The following SPAG16 variants were observed in gnomAD, a reference collection of about 807,000 sequenced individuals.
SPAG16 encodes sperm associated antigen 16, also known as sperm-associated antigen 16 protein.
In SPAG16, 86 loss-of-function variants were observed where a neutral mutation model predicts 80.4. The ratio of observed to expected loss-of-function variants is 1.07; its 90% CI spans 0.90 to 1.28. The LOEUF (loss-of-function observed/expected upper bound fraction) is 1.28. SPAG16 is among the 50% of genes most tolerant of loss of function. The pLI is 0.00. For missense variants in SPAG16, 870 were observed against 765.3 expected (o/e 1.14, Z -1.61); for synonymous variants, 294 against 265.9 (o/e 1.11, Z -1.03).
At chr2:214,242,173 A>C (rs1689542324) in intron 15 of SPAG16, among the ~76,000 whole-genome samples, 1 of 152,112 alleles carries the variant, frequency 6.6e-6, no homozygotes, top group Admixed American at 6.5e-5. Flanking sequence ...CTTTCTTCTG[A>C]GGGACTTTAC....
At chr2:213,760,297 G>C (rs892662112) in intron 10 of SPAG16, among the ~76,000 whole-genome samples, 1 of 151,992 alleles carries the variant, frequency 6.6e-6, no homozygotes, top group Admixed American at 6.6e-5. Flanking sequence ...AGACAAAATA[G>C]ACTTTAATCA....
intron 14 of SPAG16, among the ~76,000 whole-genome samples, chr2:214,123,688 A>G (rs1052622035): frequency 6.6e-6 from 1 of 152,048 alleles, no homozygotes; most frequent in Non-Finnish European, 1.5e-5. Context: ...GAAAACAGCA[A>G]TAAGGTGAGA....
chr2:214,147,586 A>G (rs939402315), intron 14 of SPAG16, among the ~76,000 whole-genome samples: 5 of 152,174 alleles, frequency 3.3e-5, no homozygotes, highest in African/African-American at 1.2e-4. Context: ...TCTAATTTCT[A>G]ACATTAATAT....
intron 11 of SPAG16, among the ~76,000 whole-genome samples, chr2:213,903,026 T>C (rs527346280): frequency 6.6e-6 from 1 of 152,314 alleles, no homozygotes; most frequent in South Asian, 2.1e-4. Flanking sequence ...AGAGGTGGGT[T>C]CCCATGGTCT....
chr2:213,585,473 C>T (rs2060437780), intron 10 of SPAG16, among the ~76,000 whole-genome samples: 1 of 151,888 alleles, frequency 6.6e-6, no homozygotes, highest in South Asian at 2.1e-4. Context: ...GATGGGGTTT[C>T]ACCATGTTGA....
chr2:213,625,639 TAA>T (rs1027186381), intron 10 of SPAG16, among the ~76,000 whole-genome samples: 1 of 152,160 alleles, frequency 6.6e-6, no homozygotes, highest in Non-Finnish European at 1.5e-5. Context: ...AATATTTGAC[TAA>T]AAGTCTTTTT....
chr2:214,252,842 C>T (rs1312922498), intron 15 of SPAG16, among the ~76,000 whole-genome samples: 1 of 152,104 alleles, frequency 6.6e-6, no homozygotes, highest in African/African-American at 2.4e-5. Context: ...AATGGTATTT[C>T]TAAGTTCTAG....
chr2:214,142,921 A>G (rs1341635497), intron 14 of SPAG16, among the ~76,000 whole-genome samples: 4 of 151,912 alleles, frequency 2.6e-5, no homozygotes, highest in Admixed American at 2.6e-4. Flanking sequence ...CTGCTTCCAA[A>G]CCCAAAACCC....
At chr2:213,979,175 C>T (rs543171444) in intron 12 of SPAG16, among the ~76,000 whole-genome samples, 6 of 151,870 alleles carry the variant, frequency 4.0e-5, no homozygotes, top group Admixed American at 2.6e-4. Flanking sequence ...GGTGGGGACT[C>T]CTAGGAGTCT....
At chr2:214,019,073 T>TATATAACC in intron 13 of SPAG16, among the ~76,000 whole-genome samples, 1 of 151,942 alleles carries the variant, frequency 6.6e-6, no homozygotes, top group African/African-American at 2.4e-5. Context: ...TCTTCAAAGT[T>TATATAACC]GAAGACTATT....
chr2:213,350,659 C>T lies in SPAG16; in HGVS notation c.762+14C>T. 2 of 1,384,678 alleles carry T rather than the reference C, an allele frequency of 1.4e-6. No homozygotes were observed. The highest frequency in any genetic ancestry group is 2.3e-5 in the Admixed American group (1 of 42,890). 85.8% of individuals were successfully genotyped at this position (1,384,678 alleles called of 1,614,324 possible). A position where few individuals can be genotyped will look rare whatever the true frequency, so the allele number is the denominator to read the frequency against. ...GTAGTTGGGCAGGTAAAGATATAGT[C>T]AAAGCTAACTTAAAATGATCTTTTA... On this transcript the variant is annotated intron_variant, in intron 7 of 15. Transcript: ENST00000331683.
intron 9 of SPAG16, among the ~76,000 whole-genome samples, chr2:213,483,580 C>G (rs1038971867): frequency 2.6e-5 from 4 of 152,106 alleles, no homozygotes; most frequent in African/African-American, 9.7e-5. Context: ...ACCTAGAAAG[C>G]TCACTGAAAA....
chr2:213,361,789 C>CCACGCA (rs1294215365), intron 7 of SPAG16, among the ~76,000 whole-genome samples: 3 of 140,002 alleles, frequency 2.1e-5, no homozygotes, highest in African/African-American at 8.1e-5. Context: ...ACTGATAATG[C>CCACGCA]CACACACACA....
rs541018910 is a variant in SPAG16, at chr2:213,634,820, T to A, written c.1070+144730T>A. On this transcript the variant is annotated intron_variant, in intron 10 of 15. Transcript: ENST00000331683. Reference sequence around the variant, plus strand: ...TCTTATGCCTTTACATCTTCATACCTTACCTCCCACTTATAAGTGAGAATG... The same window carrying A: ...TCTTATGCCTTTACATCTTCATACCATACCTCCCACTTATAAGTGAGAATG... Among the ~76,000 whole-genome samples the A allele has an allele frequency of 7.2e-5, 11 of 152,148 alleles. No individual in the cohort carries two copies. The South Asian group carries it at 2.3e-3, about 32-fold the overall frequency.
At chr2:213,407,625 G>C (rs12992361) in intron 9 of SPAG16, among the ~76,000 whole-genome samples, 27,542 of 141,690 alleles carry the variant, frequency 0.19, 3,579 homozygotes, top group Non-Finnish European at 0.28. Context: ...GAGAGAGAGA[G>C]AGAGAGAGAG....
chr2:213,611,099 C>T (rs1381599519), intron 10 of SPAG16, among the ~76,000 whole-genome samples: 5 of 152,192 alleles, frequency 3.3e-5, no homozygotes, highest in African/African-American at 1.2e-4. Flanking sequence ...CTGACAACCT[C>T]ATGATGATAG....
chr2:213,852,730 T>C (rs546487523), intron 10 of SPAG16, among the ~76,000 whole-genome samples: 2 of 152,294 alleles, frequency 1.3e-5, no homozygotes, highest in South Asian at 4.2e-4. Context: ...TTATATCACT[T>C]TACTACATTT....
At chr2:214,316,282 A>G (rs1407454780) in intron 15 of SPAG16, among the ~76,000 whole-genome samples, 2 of 152,172 alleles carry the variant, frequency 1.3e-5, no homozygotes, top group Non-Finnish European at 2.9e-5. Context: ...CACTAATCCC[A>G]TTAACAAATG....
chr2:213,584,839 GC>G (rs1158098754), intron 10 of SPAG16, among the ~76,000 whole-genome samples: 1 of 152,142 alleles, frequency 6.6e-6, no homozygotes, highest in Non-Finnish European at 1.5e-5. Flanking sequence ...CAACTAGCAT[GC>G]CTGGTGGTGT....
Sources: allele counts gnomAD v4.1 joint callset (sites outside exome capture counted in the v4.1 genomes callset), GRCh38; gene constraint gnomAD v4.1.1; transcripts MANE v1.5; gene names NCBI Gene and HGNC (gene_info 2026-07-23, HGNC 2026-07-21).